The following SAMD12 variants were observed in gnomAD, a reference collection of about 807,000 sequenced individuals.
The protein encoded by SAMD12 is sterile alpha motif domain-containing protein 12.
A neutral mutation model predicts 15.0 loss-of-function variants in SAMD12; 9 were observed. The ratio of observed to expected loss-of-function variants is 0.60; its 90% CI spans 0.36 to 1.05. The LOEUF (loss-of-function observed/expected upper bound fraction) is 1.05, where lower values mean the gene tolerates loss of function less well. Ranked by LOEUF, SAMD12 falls within the 50% of genes least tolerant of loss-of-function variation. SAMD12 has a pLI of 0.01. For missense variants in SAMD12, 230 were observed against 234.2 expected (o/e 0.98, Z 0.12); for synonymous variants, 86 against 90.1 (o/e 0.96, Z 0.25).
rs556507345 is a variant in SAMD12, at chr8:118,222,142, G to A, written c.434-24410C>T. Among the ~76,000 whole-genome samples the A allele has an allele frequency of 8.5e-5, 13 of 152,284 alleles. No individual in the cohort carries two copies. The South Asian group carries it at 2.7e-3, about 32-fold the overall frequency. On this transcript the variant is annotated intron_variant, in intron 4 of 4. Coordinates refer to the SAMD12 transcript ENST00000409003. ...CAGGTGGCAGGAGAAAAGACAGGAG[G>A]ACCTCAAGTTTCTAGGGTGGGTAAT...
intron 2 of SAMD12, among the ~76,000 whole-genome samples, chr8:118,579,204 C>T (rs2131254465): frequency 7.0e-6 from 1 of 143,552 alleles, no homozygotes; most frequent in Non-Finnish European, 1.5e-5. Context: ...GTTAACTTTT[C>T]TCTCTACTCT....
chr8:118,585,334 T>C (rs536490051), intron 1 of SAMD12, among the ~76,000 whole-genome samples: 2 of 152,144 alleles, frequency 1.3e-5, no homozygotes, highest in African/African-American at 4.8e-5. Flanking sequence ...GTGTTTCACT[T>C]TGGGATGATG....
chr8:118,311,010 C>T (rs757585731), intron 4 of SAMD12, among the ~76,000 whole-genome samples: 1 of 152,190 alleles, frequency 6.6e-6, no homozygotes, highest in East Asian at 1.9e-4. Context: ...CTCCACAATA[C>T]ACTAAATGTT....
At chr8:118,254,135 A>C (rs1264315085) in intron 4 of SAMD12, among the ~76,000 whole-genome samples, 1 of 152,156 alleles carries the variant, frequency 6.6e-6, no homozygotes, top group Admixed American at 6.5e-5. Context: ...TGTTGTGCAC[A>C]AAAGATGAAA....
At chr8:118,530,228 T>C (rs1486509993) in intron 2 of SAMD12, among the ~76,000 whole-genome samples, 1 of 152,246 alleles carries the variant, frequency 6.6e-6, no homozygotes, top group African/African-American at 2.4e-5. Context: ...TTCCAACTTC[T>C]ATGTTAGGTT....
chr8:118,579,327 T>C (rs1369381552), intron 2 of SAMD12, among the ~76,000 whole-genome samples: 1 of 152,202 alleles, frequency 6.6e-6, no homozygotes, highest in Non-Finnish European at 1.5e-5. Flanking sequence ...AAGATGCCCA[T>C]GTATTGATCA....
chr8:118,259,372 G>C (rs956646555), intron 4 of SAMD12, among the ~76,000 whole-genome samples: 1 of 152,044 alleles, frequency 6.6e-6, no homozygotes, highest in Non-Finnish European at 1.5e-5. Flanking sequence ...AGACATTTTT[G>C]CTTATCACAA....
intron 2 of SAMD12, among the ~76,000 whole-genome samples, chr8:118,501,114 T>C (rs1281960859): frequency 6.6e-6 from 1 of 152,022 alleles, no homozygotes; most frequent in Non-Finnish European, 1.5e-5. Context: ...GGACTGGGTG[T>C]TTGCAAGCCA....
chr8:118,491,592 T>A (rs1053533523), intron 2 of SAMD12, among the ~76,000 whole-genome samples: 5 of 152,204 alleles, frequency 3.3e-5, no homozygotes, highest in Admixed American at 1.3e-4. Context: ...GGAGTTGCCT[T>A]ATTTCTTCTA....
chr8:118,464,974 T>C (rs1823548685), intron 2 of SAMD12, among the ~76,000 whole-genome samples: 1 of 152,166 alleles, frequency 6.6e-6, no homozygotes, highest in African/African-American at 2.4e-5. Context: ...TTTGTGGAGT[T>C]GAAGCAGAGG....
intron 2 of SAMD12, among the ~76,000 whole-genome samples, chr8:118,500,057 T>A (rs1824736983): frequency 6.8e-6 from 1 of 147,320 alleles, no homozygotes; most frequent in South Asian, 2.2e-4. Context: ...TACACGCCCC[T>A]GAGTTTTGCC....
At chr8:118,443,219 T>G (rs945919645) in intron 2 of SAMD12, among the ~76,000 whole-genome samples, 2 of 152,158 alleles carry the variant, frequency 1.3e-5, no homozygotes, top group African/African-American at 2.4e-5. Context: ...ATCTCAGCAC[T>G]TTGGGAGGCT....
chr8:118,351,336 A>G (rs977126520), intron 4 of SAMD12, among the ~76,000 whole-genome samples: 1 of 152,196 alleles, frequency 6.6e-6, no homozygotes, highest in African/African-American at 2.4e-5. Context: ...GATTAGATCA[A>G]AGCTGGGTCA....
intron 2 of SAMD12, among the ~76,000 whole-genome samples, chr8:118,538,960 T>A (rs1425270400): frequency 1.3e-5 from 2 of 152,060 alleles, no homozygotes; most frequent in Non-Finnish European, 1.5e-5. Context: ...CTCAGAAAGG[T>A]TAGGAAATTT....
intron 2 of SAMD12, among the ~76,000 whole-genome samples, chr8:118,513,755 C>T (rs1825150529): frequency 6.6e-6 from 1 of 152,126 alleles, no homozygotes; most frequent in Non-Finnish European, 1.5e-5. Flanking sequence ...GGGGACTAGA[C>T]AGGTAATGCA....
At chr8:118,183,703 G>A in the SAMD12 span, among the ~76,000 whole-genome samples, 1 of 151,946 alleles carries the variant, frequency 6.6e-6, no homozygotes, top group African/African-American at 2.4e-5. Context: ...TAGCTTTAGG[G>A]GTACAAGTGG....
chr8:118,318,355 T>TACAC (rs1161460062), intron 4 of SAMD12, among the ~76,000 whole-genome samples: 156 of 110,810 alleles, frequency 1.4e-3, no homozygotes, highest in African/African-American at 4.4e-3. Flanking sequence ...TATATATATA[T>TACAC]ACATATATAC....
chr8:118,148,555 T>C, the SAMD12 span, among the ~76,000 whole-genome samples: 2 of 152,168 alleles, frequency 1.3e-5, no homozygotes, highest in Non-Finnish European at 2.9e-5. Context: ...ACCATAAAAT[T>C]TACCCAATTG....
intron 4 of SAMD12, among the ~76,000 whole-genome samples, chr8:118,340,182 G>C (rs1817280670): frequency 1.3e-5 from 2 of 152,136 alleles, no homozygotes; most frequent in African/African-American, 4.8e-5. Context: ...AACGTTAAAA[G>C]ATACACAAAT....
Sources: allele counts gnomAD v4.1 joint callset (sites outside exome capture counted in the v4.1 genomes callset), GRCh38; gene constraint gnomAD v4.1.1; transcripts MANE v1.5; gene names NCBI Gene and HGNC (gene_info 2026-07-23, HGNC 2026-07-21).